TMEM178B: variants seen among roughly 807,000 people sequenced by gnomAD.
TMEM178B encodes the protein transmembrane protein 178B.
TMEM178B carries 5 observed loss-of-function variants against 31.0 expected under a neutral mutation model. The observed-to-expected ratio is 0.16, with a 90% CI of 0.08 to 0.34. The LOEUF is 0.34. Among genes scored for constraint, TMEM178B ranks in the 10% least tolerant of loss-of-function variants. The pLI is 1.00. For synonymous variants in TMEM178B, 164 were observed against 164.0 expected (o/e 1.00, Z 0.00); for missense variants, 275 against 400.3 (o/e 0.69, Z 2.67).
At chr7:141,206,176 C>T (rs1177414263) in intron 1 of TMEM178B, among the ~76,000 whole-genome samples, 1 of 152,132 alleles carries the variant, frequency 6.6e-6, no homozygotes, top group Admixed American at 6.5e-5. Flanking sequence ...TGTGAGTTGT[C>T]ATGCTATGTT....
intron 1 of TMEM178B, among the ~76,000 whole-genome samples, chr7:141,162,000 A>T (rs1213480570): frequency 6.6e-6 from 1 of 152,048 alleles, no homozygotes; most frequent in Non-Finnish European, 1.5e-5. Context: ...GCAGAAAGGG[A>T]GGCATCCTTC....
At chr7:141,244,209 A>T (rs1235121245) in intron 2 of TMEM178B, among the ~76,000 whole-genome samples, 1 of 152,184 alleles carries the variant, frequency 6.6e-6, no homozygotes, top group Non-Finnish European at 1.5e-5. Context: ...AGTTCCTTTC[A>T]TCCAGAGCTT....
At chr7:141,125,952 A>G (rs1276100389) in intron 1 of TMEM178B, among the ~76,000 whole-genome samples, 1 of 152,170 alleles carries the variant, frequency 6.6e-6, no homozygotes, top group Non-Finnish European at 1.5e-5. Context: ...GTCTTTTGTC[A>G]GTTGGTAGAC....
chr7:141,170,677 C>G (rs1279940591), intron 1 of TMEM178B, among the ~76,000 whole-genome samples: 1 of 152,196 alleles, frequency 6.6e-6, no homozygotes, highest in Non-Finnish European at 1.5e-5. Context: ...TTCCCACCAG[C>G]TGACAAGGAC....
chr7:141,087,701 TGAGTA>T (rs776117477), intron 1 of TMEM178B, among the ~76,000 whole-genome samples: 2 of 152,216 alleles, frequency 1.3e-5, no homozygotes, highest in Non-Finnish European at 2.9e-5. Flanking sequence ...CTTTTGAAAC[TGAGTA>T]GAGAGTGTTA....
At chr7:141,312,767 GA>G (rs2116460297) in intron 2 of TMEM178B, among the ~76,000 whole-genome samples, 1 of 152,342 alleles carries the variant, frequency 6.6e-6, no homozygotes, top group African/African-American at 2.4e-5. Context: ...GTGGTCCATG[GA>G]GGGTGGTAAA....
intron 1 of TMEM178B, among the ~76,000 whole-genome samples, chr7:141,098,341 T>A (rs1794999357): frequency 6.6e-6 from 1 of 152,220 alleles, no homozygotes; most frequent in Non-Finnish European, 1.5e-5. Flanking sequence ...AGAACTGCCC[T>A]CTTGAAGGGC....
At chr7:141,466,341 G>A (rs770084019) in intron 3 of TMEM178B, among the ~76,000 whole-genome samples, 7 of 152,196 alleles carry the variant, frequency 4.6e-5, no homozygotes, top group Non-Finnish European at 2.9e-5. Flanking sequence ...TGAATGTTAT[G>A]AAGAAGTTGA....
intron 2 of TMEM178B, among the ~76,000 whole-genome samples, chr7:141,294,449 G>A (rs1327968717): frequency 6.6e-6 from 1 of 152,146 alleles, no homozygotes; most frequent in African/African-American, 2.4e-5. Context: ...GGTCTGGCTG[G>A]ACTATGTACA....
intron 1 of TMEM178B, among the ~76,000 whole-genome samples, chr7:141,146,893 G>GT (rs990540302): frequency 1.3e-5 from 2 of 152,198 alleles, no homozygotes; most frequent in African/African-American, 4.8e-5. Context: ...TTTAAGGTTA[G>GT]TTATGGGAAG....
chr7:141,262,474 AATATATAT>A (rs10570183), intron 2 of TMEM178B, among the ~76,000 whole-genome samples: 8,338 of 131,812 alleles, frequency 0.063, 372 homozygotes, highest in East Asian at 0.15. Flanking sequence ...AAATACATAT[AATATATAT>A]ATATATATAT....
intron 2 of TMEM178B, among the ~76,000 whole-genome samples, chr7:141,369,353 G>GTGTA (rs1554480661): frequency 2.1e-5 from 3 of 145,990 alleles, no homozygotes; most frequent in Admixed American, 6.9e-5. Flanking sequence ...GTGTGTGTGT[G>GTGTA]TGTGTATGTG....
At chr7:141,335,818 C>G (rs1799376323) in intron 2 of TMEM178B, among the ~76,000 whole-genome samples, 1 of 151,956 alleles carries the variant, frequency 6.6e-6, no homozygotes, top group Non-Finnish European at 1.5e-5. Flanking sequence ...GTGTGTGTGT[C>G]CTAGGTAGTT....
intron 2 of TMEM178B, among the ~76,000 whole-genome samples, chr7:141,225,468 C>T (rs17488071): frequency 0.33 from 50,117 of 151,890 alleles, 8,791 homozygotes; most frequent in Non-Finnish European, 0.4. Flanking sequence ...ATGTATAGTA[C>T]TTCATTGACA....
Position 141,409,725 on chromosome 7 carries a change from CTT to C in TMEM178B, c.497-27881_497-27880del, listed in dbSNP as rs960219637. Among the ~76,000 whole-genome samples the C allele has an allele frequency of 1.1e-3, 161 of 147,658 alleles. 1 individual carries two copies. The highest frequency in any genetic ancestry group is 3.1e-3 in the East Asian group (16 of 5,134). Reference sequence around the variant, plus strand: ...ACAAGTGCTTGTCCTTTTTGACTGTCTTTGTCTTTTTTTTTTTTTAGAAGTAA... The same window carrying C: ...ACAAGTGCTTGTCCTTTTTGACTGTCTGTCTTTTTTTTTTTTTAGAAGTAA... On this transcript the variant is annotated intron_variant, in intron 2 of 3. Transcript: ENST00000565468.
chr7:141,162,104 G>A (rs557359622), intron 1 of TMEM178B, among the ~76,000 whole-genome samples: 1 of 152,242 alleles, frequency 6.6e-6, no homozygotes, highest in South Asian at 2.1e-4. Flanking sequence ...CACCTGCAGG[G>A]CTTGGCCAGC....
intron 2 of TMEM178B, among the ~76,000 whole-genome samples, chr7:141,247,209 A>T (rs916755820): frequency 2.3e-5 from 1 of 43,164 alleles, no homozygotes; most frequent in African/African-American, 8.6e-5. Flanking sequence ...CTCTCTACAC[A>T]CACACACACA....
At chr7:141,125,800 C>G (rs1795485035) in intron 1 of TMEM178B, among the ~76,000 whole-genome samples, 1 of 152,166 alleles carries the variant, frequency 6.6e-6, no homozygotes, top group Admixed American at 6.5e-5. Context: ...TTGCAACCCT[C>G]CAGGTAAAAG....
Position 141,463,469 on chromosome 7 carries a change from A to G in TMEM178B, c.635-7067A>G, listed in dbSNP as rs567019568. Among the ~76,000 whole-genome samples the G allele has an allele frequency of 1.5e-4, 23 of 152,328 alleles. No homozygotes were observed. The South Asian group carries it at 1.9e-3, about 12-fold the overall frequency. Reference sequence around the variant, plus strand: ...TATGTCACTGGAATTCTGTCTTCCAATGAAATTTCACATGGAAACAGATCA... The same window carrying G: ...TATGTCACTGGAATTCTGTCTTCCAGTGAAATTTCACATGGAAACAGATCA... On this transcript the variant is annotated intron_variant, in intron 3 of 3. Transcript: ENST00000565468.
Sources: allele counts gnomAD v4.1 joint callset (sites outside exome capture counted in the v4.1 genomes callset), GRCh38; gene constraint gnomAD v4.1.1; transcripts MANE v1.5; gene names NCBI Gene and HGNC (gene_info 2026-07-23, HGNC 2026-07-21).